RCAN2: variants seen among roughly 807,000 people sequenced by gnomAD.
RCAN2 encodes calcipressin-2.
In RCAN2, 9 loss-of-function variants were observed where a neutral mutation model predicts 23.6. The ratio of observed to expected loss-of-function variants is 0.38; its 90% CI spans 0.23 to 0.67. The LOEUF is 0.67. Ranked by LOEUF, RCAN2 falls within the 30% of genes least tolerant of loss-of-function variation. The probability of loss-of-function intolerance (pLI) is 0.51; values close to 1 mark genes in which losing one functional copy is unlikely to be tolerated. For synonymous variants in RCAN2, 109 were observed against 115.7 expected (o/e 0.94, Z 0.37); for missense variants, 273 against 302.3 (o/e 0.90, Z 0.72).
chr6:46,242,252 C>T (rs9349351), intron 4 of RCAN2, among the ~76,000 whole-genome samples: 15,672 of 152,216 alleles, frequency 0.1, 1,113 homozygotes, highest in East Asian at 0.2. Flanking sequence ...ACTTGTCCCT[C>T]TCTGAGAGGT....
intron 1 of RCAN2, among the ~76,000 whole-genome samples, chr6:46,475,305 A>T (rs570477726): frequency 6.6e-6 from 1 of 152,344 alleles, no homozygotes; most frequent in Non-Finnish European, 1.5e-5. Flanking sequence ...GGCAGGTGAA[A>T]GTCATGCTCT....
intron 2 of RCAN2, among the ~76,000 whole-genome samples, chr6:46,437,305 A>G (rs2150420246): frequency 6.6e-6 from 1 of 152,334 alleles, no homozygotes; most frequent in African/African-American, 2.4e-5. Context: ...AACATGGTAT[A>G]ATAACATGTG....
At chr6:46,354,120 A>T (rs1764750285) in intron 2 of RCAN2, among the ~76,000 whole-genome samples, 1 of 151,932 alleles carries the variant, frequency 6.6e-6, no homozygotes, top group Non-Finnish European at 1.5e-5. Flanking sequence ...CTGCAATGTT[A>T]TTAAAAGTCT....
At chr6:46,231,887 G>T (rs369094160) in intron 4 of RCAN2, among the ~76,000 whole-genome samples, 13 of 152,214 alleles carry the variant, frequency 8.5e-5, no homozygotes, top group African/African-American at 3.1e-4. Flanking sequence ...CACAGAAATA[G>T]AGTGTTACAA....
At chr6:46,233,291 A>G (rs995494402) in intron 4 of RCAN2, among the ~76,000 whole-genome samples, 9 of 152,222 alleles carry the variant, frequency 5.9e-5, no homozygotes, top group African/African-American at 2.2e-4. Flanking sequence ...TGAATGAAAG[A>G]CACCATCCAA....
intron 2 of RCAN2, among the ~76,000 whole-genome samples, chr6:46,314,630 A>G (rs764579277): frequency 1.3e-5 from 2 of 152,202 alleles, no homozygotes; most frequent in Admixed American, 6.5e-5. Flanking sequence ...TATTACAATT[A>G]TAGTTAAGCA....
At chr6:46,367,274 C>A in intron 2 of RCAN2, among the ~76,000 whole-genome samples, 1 of 151,540 alleles carries the variant, frequency 6.6e-6, no homozygotes, top group Admixed American at 6.6e-5. Flanking sequence ...CTTCACAAGC[C>A]GTTGATAATT....
chr6:46,227,751 T>C (rs1023342341), intron 4 of RCAN2, among the ~76,000 whole-genome samples: 1 of 152,222 alleles, frequency 6.6e-6, no homozygotes, highest in South Asian at 2.1e-4. Flanking sequence ...GATTCATTAA[T>C]TTTTTGAAGG....
intron 2 of RCAN2, among the ~76,000 whole-genome samples, chr6:46,445,923 T>C (rs182973969): frequency 2.7e-4 from 41 of 152,184 alleles, no homozygotes; most frequent in Non-Finnish European, 1.5e-4. Context: ...ATGGGATTTA[T>C]AGGACAGCAT....
intron 2 of RCAN2, among the ~76,000 whole-genome samples, chr6:46,360,466 G>A (rs1276169764): frequency 1.3e-5 from 2 of 148,926 alleles, no homozygotes; most frequent in African/African-American, 2.5e-5. Flanking sequence ...CCCGGGAGGC[G>A]GAGCTTGCAG....
At chr6:46,271,195 T>C (rs1468720118) in intron 2 of RCAN2, among the ~76,000 whole-genome samples, 1 of 152,172 alleles carries the variant, frequency 6.6e-6, no homozygotes, top group Non-Finnish European at 1.5e-5. Context: ...GAGAAAGAGA[T>C]TTATTCTAAG....
chr6:46,282,392 A>T (rs965076349), intron 2 of RCAN2, among the ~76,000 whole-genome samples: 4 of 151,888 alleles, frequency 2.6e-5, no homozygotes, highest in Non-Finnish European at 5.9e-5. Context: ...AAAAAAAAAA[A>T]ACAAAAAATT....
At chr6:46,317,176 C>T (rs891650809) in intron 2 of RCAN2, among the ~76,000 whole-genome samples, 1 of 152,076 alleles carries the variant, frequency 6.6e-6, no homozygotes, top group African/African-American at 2.4e-5. Flanking sequence ...CTTGCATTTT[C>T]CAGAAAACTT....
At chr6:46,472,422 T>A (rs1466501457) in intron 1 of RCAN2, among the ~76,000 whole-genome samples, 4 of 152,204 alleles carry the variant, frequency 2.6e-5, no homozygotes, top group Admixed American at 2.0e-4. Flanking sequence ...CTAAGACTAA[T>A]AAAGTTGAGC....
At chr6:46,405,780 T>C (rs940877336) in intron 2 of RCAN2, among the ~76,000 whole-genome samples, 5 of 152,054 alleles carry the variant, frequency 3.3e-5, no homozygotes, top group Non-Finnish European at 7.4e-5. Context: ...CCTCAGCCCT[T>C]GGGTGGTCCA....
At chr6:46,236,438 TTC>T (rs1406245743) in intron 4 of RCAN2, among the ~76,000 whole-genome samples, 2 of 144,798 alleles carry the variant, frequency 1.4e-5, no homozygotes, top group Admixed American at 6.6e-5. Flanking sequence ...ATCTCTGATT[TTC>T]TTTTTTTTTT....
chr6:46,282,888 C>T (rs1052489986), intron 2 of RCAN2, among the ~76,000 whole-genome samples: 4 of 152,292 alleles, frequency 2.6e-5, no homozygotes, highest in East Asian at 3.9e-4. Flanking sequence ...AAATAATAAA[C>T]GTACAACATA....
chr6:46,420,885 G>A (rs1766868787), intron 2 of RCAN2, among the ~76,000 whole-genome samples: 1 of 152,100 alleles, frequency 6.6e-6, no homozygotes, highest in African/African-American at 2.4e-5. Context: ...AAGATGCACA[G>A]ACACTAGGCA....
At chr6:46,406,426 G>C (rs1213549354) in intron 2 of RCAN2, among the ~76,000 whole-genome samples, 1 of 152,196 alleles carries the variant, frequency 6.6e-6, no homozygotes, top group Non-Finnish European at 1.5e-5. Flanking sequence ...AGTTCTGGCA[G>C]CTATTTTTTG....
Sources: allele counts gnomAD v4.1 joint callset (sites outside exome capture counted in the v4.1 genomes callset), GRCh38; gene constraint gnomAD v4.1.1; transcripts MANE v1.5; gene names NCBI Gene and HGNC (gene_info 2026-07-23, HGNC 2026-07-21).